LRRC38: variants seen among roughly 807,000 people sequenced by gnomAD.
LRRC38 encodes leucine-rich repeat-containing protein 38.
In LRRC38, 5 loss-of-function variants were observed where a neutral mutation model predicts 16.4. The observed-to-expected ratio is 0.31, with a 90% CI of 0.16 to 0.64. LRRC38 has a LOEUF of 0.64. Ranked by LOEUF, LRRC38 falls within the 30% of genes least tolerant of loss-of-function variation. The pLI, the probability that LRRC38 is intolerant of heterozygous loss-of-function variation, is 0.80. For synonymous variants in LRRC38, 191 were observed against 190.2 expected (o/e 1.00, Z -0.04); for missense variants, 341 against 401.8 (o/e 0.85, Z 1.29).
At position 13,487,782 on chromosome 1, in the gene LRRC38, C is replaced by A. The variant is rs951937428; in HGVS notation, c.632-11683G>T. Among the ~76,000 whole-genome samples the A allele has an allele frequency of 8.5e-5, 13 of 152,342 alleles. 1 individual carries two copies. In the South Asian group the frequency reaches 2.7e-3, roughly 32 times the overall value. ...TTGCACCGGACCGGCCCCTTGCCAA[C>A]AAACAGGCCTGCAGCCAGAGGATCT... On this transcript the variant is annotated intron_variant, in intron 1 of 1. Transcript: ENST00000376085. This position sits in a 1 kb window ranked among gnomAD's most constrained non-coding sequence, Gnocchi z 4.4.
chr1:13,496,554 C>T (rs760616166), intron 1 of LRRC38, among the ~76,000 whole-genome samples: 7 of 152,192 alleles, frequency 4.6e-5, no homozygotes, highest in Non-Finnish European at 1.5e-5. Flanking sequence ...ATACTGGCTT[C>T]TCTCAGCAAG....
intron 1 of LRRC38, among the ~76,000 whole-genome samples, chr1:13,488,032 TTGTGTGTGTGTGTGTG>T (rs71570140): frequency 6.8e-6 from 1 of 147,104 alleles, no homozygotes; most frequent in Non-Finnish European, 1.5e-5. Flanking sequence ...TTGTGTGTGT[TTGTGTGTGTGTGTGTG>T]TGTGTGTGTG....
intron 1 of LRRC38, among the ~76,000 whole-genome samples, chr1:13,480,379 G>A (rs1427315564): frequency 6.6e-6 from 1 of 152,186 alleles, no homozygotes; most frequent in Non-Finnish European, 1.5e-5. Flanking sequence ...ACATTGCTAC[G>A]TGTCCCCTGG....
intron 1 of LRRC38, among the ~76,000 whole-genome samples, chr1:13,481,807 CT>C: frequency 7.2e-6 from 1 of 138,552 alleles, no homozygotes; most frequent in Non-Finnish European, 1.6e-5. Context: ...CTCTCTCTCT[CT>C]CTCTCTCTCT....
At chr1:13,491,265 G>A (rs1243707691) in intron 1 of LRRC38, among the ~76,000 whole-genome samples, 9 of 152,234 alleles carry the variant, frequency 5.9e-5, no homozygotes, top group Admixed American at 3.9e-4. Flanking sequence ...CCTCACTCAC[G>A]CAGCAGCCGT....
intron 1 of LRRC38, among the ~76,000 whole-genome samples, chr1:13,485,170 A>G (rs947190963): frequency 6.6e-6 from 1 of 151,626 alleles, no homozygotes; most frequent in Non-Finnish European, 1.5e-5. Context: ...CCACCTACTC[A>G]GGAGGCTGAA....
At chr1:13,499,806 C>T (rs746230088) in intron 1 of LRRC38, among the ~76,000 whole-genome samples, 1 of 152,140 alleles carries the variant, frequency 6.6e-6, no homozygotes, top group Non-Finnish European at 1.5e-5. Flanking sequence ...GTGCGACCCA[C>T]GGGAGGTTGC....
At chr1:13,492,950 T>C (rs1639034746) in intron 1 of LRRC38, among the ~76,000 whole-genome samples, 1 of 150,428 alleles carries the variant, frequency 6.6e-6, no homozygotes, top group Admixed American at 6.7e-5. Context: ...GTGAGTCCCG[T>C]CGCTCTTGGG....
intron 1 of LRRC38, among the ~76,000 whole-genome samples, chr1:13,492,801 AC>A (rs1639030786): frequency 6.6e-6 from 1 of 152,132 alleles, no homozygotes; most frequent in Non-Finnish European, 1.5e-5. Context: ...TTTGACTGGC[AC>A]CTCTGTGGAC....
chr1:13,503,722 C>T (rs906371818), intron 1 of LRRC38, among the ~76,000 whole-genome samples: 2 of 152,156 alleles, frequency 1.3e-5, no homozygotes, highest in Admixed American at 6.5e-5. Context: ...AGGCTGAAGC[C>T]GAGAAAAGCA....
chr1:13,495,047 G>A (rs1014005494), intron 1 of LRRC38, among the ~76,000 whole-genome samples: 1 of 152,236 alleles, frequency 6.6e-6, no homozygotes, highest in Non-Finnish European at 1.5e-5. Flanking sequence ...AGGAGCCATG[G>A]ACACAAGGGG....
intron 1 of LRRC38, among the ~76,000 whole-genome samples, chr1:13,507,896 T>C (rs1639231416): frequency 6.6e-6 from 1 of 151,568 alleles, no homozygotes; most frequent in South Asian, 2.1e-4. Context: ...CTGCTAATGG[T>C]GCCAGGCAGC....
At chr1:13,502,442 C>T (rs1302406639) in intron 1 of LRRC38, among the ~76,000 whole-genome samples, 1 of 152,060 alleles carries the variant, frequency 6.6e-6, no homozygotes, top group Non-Finnish European at 1.5e-5. Context: ...TGGGAGGGTT[C>T]CTCACCCGCT....
chr1:13,513,542 G>A lies in LRRC38; in HGVS notation c.52C>T (p.Leu18Phe), dbSNP rs1262853480. ...TGCCCGGGCGCGAGCAGCAGCAGAA[G>A]GCTGCAGAGCCCGAGCGCCGCGGCG... ...CAAAALGLCS[L>F]LLLLAPGHAC... The change falls in exon 1 of 2, where the codon CTT becomes TTT. Residue 18 changes from leucine to phenylalanine, a missense_variant. By Grantham distance (22) the Leu-to-Phe change is conservative (BLOSUM62 0). Transcript: ENST00000376085. 1 of 1,368,376 alleles carries A rather than the reference G, an allele frequency of 7.3e-7. No homozygotes were observed. The highest frequency in any genetic ancestry group is 1.5e-5 in the African/African-American group (1 of 65,262). 84.8% of individuals were successfully genotyped at this position (1,368,376 alleles called of 1,614,324 possible).
chr1:13,481,399 G>A lies in LRRC38; in HGVS notation c.632-5300C>T, dbSNP rs1335546665. On this transcript the variant is annotated intron_variant, in intron 1 of 1. Transcript: ENST00000376085. ...ATGTTTTTTTTATTTTTTTTTTTTTGTTCTTTTTTTGAGATGGAGTCTCGC... is the reference window on the plus strand; with the variant it reads ...ATGTTTTTTTTATTTTTTTTTTTTTATTCTTTTTTTGAGATGGAGTCTCGC... Among the ~76,000 whole-genome samples, 46 of 80,794 alleles carry A rather than the reference G, an allele frequency of 5.7e-4. No homozygotes were observed. In the Admixed American group the frequency reaches 6.5e-3, roughly 11 times the overall value. 53.0% of individuals were successfully genotyped at this position (80,794 alleles called of 152,430 possible). A position where few individuals can be genotyped will look rare whatever the true frequency, so the allele number is the denominator to read the frequency against.
intron 1 of LRRC38, among the ~76,000 whole-genome samples, chr1:13,496,060 C>T (rs1172448018): frequency 6.6e-6 from 1 of 152,104 alleles, no homozygotes; most frequent in Non-Finnish European, 1.5e-5. Context: ...GGTCTGGGGG[C>T]CTCAACCTTC....
At chr1:13,511,090 C>T (rs1279532359) in intron 1 of LRRC38, among the ~76,000 whole-genome samples, 2 of 152,200 alleles carry the variant, frequency 1.3e-5, no homozygotes, top group Non-Finnish European at 2.9e-5. Flanking sequence ...CTGGACATGG[C>T]TCCTTGCTCT....
intron 1 of LRRC38, among the ~76,000 whole-genome samples, chr1:13,498,417 G>T (rs913653357): frequency 1.3e-5 from 2 of 152,088 alleles, no homozygotes; most frequent in Non-Finnish European, 2.9e-5. Context: ...GGAATCACAA[G>T]GTCAGGAGTT....
chr1:13,484,474 G>A (rs530398797), intron 1 of LRRC38, among the ~76,000 whole-genome samples: 3 of 152,202 alleles, frequency 2.0e-5, no homozygotes, highest in South Asian at 4.1e-4. Context: ...ATCAGAGAAC[G>A]TGGCTTAGAC....
Sources: allele counts gnomAD v4.1 joint callset (sites outside exome capture counted in the v4.1 genomes callset), GRCh38; gene constraint gnomAD v4.1.1; non-coding constraint Gnocchi (gnomAD v3.1); transcripts MANE v1.5; gene names NCBI Gene and HGNC (gene_info 2026-07-23, HGNC 2026-07-21).